Variants in SASH1 observed in about 807,000 individuals in gnomAD.
SASH1 encodes SAM and SH3 domain containing 1.
In SASH1, 44 loss-of-function variants were observed where a neutral mutation model predicts 125.2. The observed-to-expected ratio is 0.35, with a 90% confidence interval of 0.28 to 0.45. SASH1 has a LOEUF of 0.45. Ranked by LOEUF, SASH1 falls within the 20% of genes least tolerant of loss-of-function variation. The pLI, the probability that SASH1 is intolerant of heterozygous loss-of-function variation, is 1.00. For missense variants in SASH1, 1,426 were observed against 1,614.5 expected (o/e 0.88, Z 2.00); for synonymous variants, 639 against 649.1 (o/e 0.98, Z 0.24).
At chr6:148,383,903 C>G (rs1433966581) in intron 1 of SASH1, among the ~76,000 whole-genome samples, 3 of 152,142 alleles carry the variant, frequency 2.0e-5, no homozygotes, top group Non-Finnish European at 2.9e-5. Flanking sequence ...TACAATGCCC[C>G]TTATCTCTGT....
intron 1 of SASH1, among the ~76,000 whole-genome samples, chr6:148,294,091 TG>T (rs1779702588): frequency 6.6e-6 from 1 of 152,198 alleles, no homozygotes; most frequent in Non-Finnish European, 1.5e-5. Flanking sequence ...CAGCCACACC[TG>T]GGCTGGCCCC....
At chr6:148,304,997 C>G (rs376209354) in intron 1 of SASH1, among the ~76,000 whole-genome samples, 1 of 152,184 alleles carries the variant, frequency 6.6e-6, no homozygotes, top group East Asian at 1.9e-4. Context: ...TGCCACTGCA[C>G]TCTAGCCTGG....
chr6:148,282,056 G>A (rs1173260966), intron 1 of SASH1, among the ~76,000 whole-genome samples: 2 of 152,234 alleles, frequency 1.3e-5, no homozygotes, highest in African/African-American at 4.8e-5. Flanking sequence ...TAACTGTCAT[G>A]GCCATGGAGG....
chr6:148,379,181 T>C (rs1201606306), intron 1 of SASH1, among the ~76,000 whole-genome samples: 1 of 152,312 alleles, frequency 6.6e-6, no homozygotes, highest in East Asian at 1.9e-4. Context: ...TCTATGGCTA[T>C]TGAATTCATG....
At chr6:148,328,910 G>C (rs1780913808) in intron 1 of SASH1, among the ~76,000 whole-genome samples, 1 of 152,152 alleles carries the variant, frequency 6.6e-6, no homozygotes, top group African/African-American at 2.4e-5. Context: ...TGCTGCTGAA[G>C]AATTCTTTAG....
chr6:148,531,471 A>G (rs1302143021), intron 12 of SASH1, 55 bp from the exon 13 acceptor site: 1 of 1,391,186 alleles, frequency 7.2e-7, no homozygotes. Context: ...GAGAATTACA[A>G]AACAACACCT....
At chr6:148,194,927 G>C in the SASH1 span, among the ~76,000 whole-genome samples, 167 of 152,220 alleles carry the variant, frequency 1.1e-3, 1 homozygote, top group Middle Eastern at 6.8e-3. Flanking sequence ...AAAAAAGAAT[G>C]TTCAGTATCT....
chr6:148,434,290 T>G (rs914523767), intron 2 of SASH1, among the ~76,000 whole-genome samples: 1 of 151,928 alleles, frequency 6.6e-6, no homozygotes, highest in African/African-American at 2.4e-5. Context: ...TTAGCCAGGG[T>G]GGTCTCAATC....
At chr6:148,291,506 C>T (rs1444850562) in intron 1 of SASH1, among the ~76,000 whole-genome samples, 1 of 152,028 alleles carries the variant, frequency 6.6e-6, no homozygotes, top group Admixed American at 6.6e-5. Flanking sequence ...TGTGACGAAA[C>T]TCTGTCTCTA....
chr6:148,449,793 G>A (rs949124586), intron 4 of SASH1, among the ~76,000 whole-genome samples: 10 of 152,200 alleles, frequency 6.6e-5, no homozygotes, highest in Non-Finnish European at 1.5e-4. Context: ...GTCCTGTGGG[G>A]TGATAACATG....
In SASH1 at chr6:148,425,931, A is replaced by G. The variant is rs960746833; in HGVS notation, c.286-14253A>G. Among the ~76,000 whole-genome samples the G allele has an allele frequency of 4.6e-5, 7 of 152,146 alleles. No homozygotes were observed. The East Asian group carries it at 1.4e-3, about 29-fold the overall frequency. On this transcript the variant is annotated intron_variant, in intron 2 of 19. Transcript: ENST00000367467. ...TTACTTTAAAAGAATACTTCTGGCC[A>G]GGCGTGGTGGCGCATACCTGTAATC...
chr6:148,312,507 A>G (rs1780357992), intron 1 of SASH1, among the ~76,000 whole-genome samples: 1 of 152,134 alleles, frequency 6.6e-6, no homozygotes, highest in African/African-American at 2.4e-5. Context: ...AGATCCTGCT[A>G]TTAATAACAA....
chr6:148,303,826 TA>T (rs913343750), intron 1 of SASH1, among the ~76,000 whole-genome samples: 3 of 147,208 alleles, frequency 2.0e-5, no homozygotes, highest in African/African-American at 7.5e-5. Flanking sequence ...AATAAATAAA[TA>T]AAATAAAAAT....
At chr6:148,325,521 G>A (rs1174575690) in intron 1 of SASH1, among the ~76,000 whole-genome samples, 2 of 151,936 alleles carry the variant, frequency 1.3e-5, no homozygotes, top group Non-Finnish European at 2.9e-5. Context: ...TGATCCACCC[G>A]CCTCAGCCTC....
At chr6:148,393,803 C>A in intron 2 of SASH1, 1 of 814,008 alleles carries the variant, frequency 1.2e-6, no homozygotes, top group Non-Finnish European at 1.5e-6. Context: ...CTGATTCAAG[C>A]CAGGCTGGAA....
intron 2 of SASH1, among the ~76,000 whole-genome samples, chr6:148,408,224 C>T (rs556583220): frequency 6.1e-4 from 91 of 148,468 alleles, no homozygotes; most frequent in African/African-American, 2.2e-3. Context: ...TCTCCTGCCT[C>T]AACCTCCCAA....
the SASH1 span, among the ~76,000 whole-genome samples, chr6:148,252,315 A>G: frequency 1.3e-5 from 2 of 152,146 alleles, no homozygotes; most frequent in African/African-American, 4.8e-5. Context: ...TATAACCTAT[A>G]ACAAGCGAAT....
Position 148,440,363 on chromosome 6 carries a change from G to T in SASH1, c.342G>T (p.Ser114=), listed in dbSNP as rs534691257. 1.2e-6 allele frequency: 2 copies of T among 1,613,862 alleles called. No homozygotes were observed. The highest frequency in any genetic ancestry group is 1.7e-6 in the Non-Finnish European group (2 of 1,179,952). Residue 114 remains serine (S), a synonymous_variant, in exon 4 of 20, where the codon TCG becomes TCT. Coordinates refer to ENST00000367467, the MANE Select transcript of SASH1 (RefSeq NM_015278.5). ...SLQLRSQIEE[S]LGFCSAVSTP... ...ATACGAATCTTCTCTCGTAGGAGTC[G>T]CTTGGCTTCTGTAGCGCCGTGTCAA...
intron 1 of SASH1, among the ~76,000 whole-genome samples, chr6:148,280,044 T>G (rs1016330219): frequency 1.5e-5 from 1 of 67,144 alleles, no homozygotes; most frequent in Non-Finnish European, 2.7e-5. Context: ...CCCCCAACAT[T>G]CCCCCTAACA....
Sources: allele counts gnomAD v4.1 joint callset (sites outside exome capture counted in the v4.1 genomes callset), GRCh38; gene constraint gnomAD v4.1.1; transcripts MANE v1.5; gene names NCBI Gene and HGNC (gene_info 2026-07-23, HGNC 2026-07-21).